PRR5L: variants seen among roughly 807,000 people sequenced by gnomAD.
PRR5L encodes proline-rich protein 5-like.
In PRR5L, 21 loss-of-function variants were observed where a neutral mutation model predicts 36.4. That is an observed-to-expected ratio of 0.58 (90% CI 0.41 to 0.83). The LOEUF (loss-of-function observed/expected upper bound fraction) is 0.83. Among genes scored for constraint, PRR5L ranks in the 40% least tolerant of loss-of-function variants. The probability of loss-of-function intolerance (pLI) is 0.00; values close to 1 mark genes in which losing one functional copy is unlikely to be tolerated. For synonymous variants in PRR5L, 188 were observed against 197.0 expected (o/e 0.95, Z 0.38); for missense variants, 381 against 473.3 (o/e 0.80, Z 1.81).
intron 1 of PRR5L, among the ~76,000 whole-genome samples, chr11:36,310,826 G>C (rs146194429): frequency 6.6e-6 from 1 of 151,686 alleles, no homozygotes; most frequent in African/African-American, 2.4e-5. Flanking sequence ...GTGAAACCCC[G>C]TCTCTACTAA....
At position 36,351,571 on chromosome 11, in the gene PRR5L, T is replaced by A. The variant is rs1177657594; in HGVS notation, c.-125-49426T>A. Among the ~76,000 whole-genome samples, 2 of 27,512 alleles carry A rather than the reference T, an allele frequency of 7.3e-5. 1 individual carries two copies. Among genetic ancestry groups the A allele is most frequent in the African/African-American group, 3.6e-4 (2 of 5,522 alleles). 18.0% of individuals were successfully genotyped at this position (27,512 alleles called of 152,430 possible). A position where few individuals can be genotyped will look rare whatever the true frequency, so the allele number is the denominator to read the frequency against. The stretch of plus-strand genomic sequence containing the variant: ...TATATATATTTATATATTTATATAT[T>A]TATATAAATATATATTTATATATTT... On this transcript the variant is annotated intron_variant, in intron 1 of 8. Transcript: ENST00000530639.
intron 1 of PRR5L, among the ~76,000 whole-genome samples, chr11:36,369,762 T>C (rs1857179708): frequency 6.6e-6 from 1 of 151,940 alleles, no homozygotes; most frequent in African/African-American, 2.4e-5. Context: ...GCCTGGCTAA[T>C]TGTTTTGTAT....
chr11:36,299,321 G>A (rs1292862768), intron 1 of PRR5L, among the ~76,000 whole-genome samples: 1 of 152,156 alleles, frequency 6.6e-6, no homozygotes, highest in Non-Finnish European at 1.5e-5. Flanking sequence ...CAACCTCCAG[G>A]GACACAGCAT....
chr11:36,388,698 C>CTTTTT (rs36056659), intron 1 of PRR5L, among the ~76,000 whole-genome samples: 1 of 109,144 alleles, frequency 9.2e-6, no homozygotes, highest in African/African-American at 4.0e-5. Context: ...CTCTTTCTTT[C>CTTTTT]TTTTTTTTTT....
chr11:36,391,199 C>G (rs1165822316), intron 1 of PRR5L, among the ~76,000 whole-genome samples: 1 of 152,176 alleles, frequency 6.6e-6, no homozygotes, highest in African/African-American at 2.4e-5. Context: ...TATAAGCCAC[C>G]CACTTCTTTA....
chr11:36,457,907 A>AT (rs895767482), intron 8 of PRR5L, among the ~76,000 whole-genome samples: 3 of 152,108 alleles, frequency 2.0e-5, no homozygotes, highest in African/African-American at 7.2e-5. Context: ...TCTCAAGGGC[A>AT]TTTTTTTTAA....
chr11:36,435,342 A>AT (rs1226190129), intron 5 of PRR5L, among the ~76,000 whole-genome samples: 1 of 152,172 alleles, frequency 6.6e-6, no homozygotes, highest in Non-Finnish European at 1.5e-5. Flanking sequence ...CCATCACAGC[A>AT]TTACAGGCCC....
chr11:36,371,523 C>T (rs528824857), intron 1 of PRR5L, among the ~76,000 whole-genome samples: 2 of 152,324 alleles, frequency 1.3e-5, no homozygotes, highest in African/African-American at 4.8e-5. Flanking sequence ...GGGAGATCTA[C>T]TTGTGCTCCT....
At position 36,462,708 on chromosome 11, in the gene PRR5L, C is replaced by G. The variant is rs377764430; in HGVS notation, c.1079C>G (p.Ser360Trp). The G allele has an allele frequency of 1.5e-5, 23 of 1,581,956 alleles. No homozygotes were observed. The highest frequency in any genetic ancestry group is 5.8e-5 in the South Asian group (5 of 86,012). The part of the protein sequence containing the change: ...EEGARGSQEG[S>W]ELNCASLS ...GGGGCCAGGGGCAGCCAGGAGGGCTCGGAGCTGAACTGTGCTTCCCTCAGC... is the reference window on the plus strand; with the variant it reads ...GGGGCCAGGGGCAGCCAGGAGGGCTGGGAGCTGAACTGTGCTTCCCTCAGC... Residue 360 changes from serine (S) to tryptophan (W), a missense_variant, in exon 9 of 9, where the codon TCG becomes TGG. Physicochemically the swap from Ser to Trp is radical, Grantham distance 177 (BLOSUM62 -3). Coordinates refer to ENST00000530639, the MANE Select transcript of PRR5L (RefSeq NM_001160167.2).
Position 36,344,200 on chromosome 11 carries a change from C to A in PRR5L, c.-126+47762C>A, listed in dbSNP as rs1565401450. 6.6e-6 allele frequency among the ~76,000 whole-genome samples: 1 copy of A among 150,734 alleles called. No individual in the cohort carries two copies. The highest frequency in any genetic ancestry group is 2.5e-5 in the African/African-American group (1 of 40,788). On this transcript the variant is annotated intron_variant, in intron 1 of 8. Transcript: ENST00000530639. The surrounding 1 kb of genome is among the most constrained non-coding windows in gnomAD (Gnocchi z 4.1). ...CCACTGCACACTCCAGCCTGGGCAA[C>A]AAGCGCAAAACTCTGTCTCAAAAAA... is the stretch of plus-strand genomic sequence containing the variant.
chr11:36,397,618 G>C (rs985310141), intron 1 of PRR5L, among the ~76,000 whole-genome samples: 1 of 151,500 alleles, frequency 6.6e-6, no homozygotes, highest in South Asian at 2.1e-4. Context: ...CACCATGCCC[G>C]GCTAATTTTT....
At chr11:36,432,779 G>T (rs1488142796) in intron 5 of PRR5L, among the ~76,000 whole-genome samples, 3 of 152,082 alleles carry the variant, frequency 2.0e-5, no homozygotes, top group Non-Finnish European at 4.4e-5. Flanking sequence ...TCCAGATCCA[G>T]ACTTATTAGG....
chr11:36,309,258 G>C (rs1404758969), intron 1 of PRR5L, among the ~76,000 whole-genome samples: 2 of 152,174 alleles, frequency 1.3e-5, no homozygotes, highest in Non-Finnish European at 2.9e-5. Context: ...ACCAAAACAA[G>C]CATCAACGCC....
At chr11:36,363,438 A>AG (rs1857113677) in intron 1 of PRR5L, among the ~76,000 whole-genome samples, 2 of 152,222 alleles carry the variant, frequency 1.3e-5, no homozygotes, top group Non-Finnish European at 1.5e-5. Context: ...CACTGTTAAT[A>AG]GCTCAATGCC....
chr11:36,352,080 G>T (rs868097484), intron 1 of PRR5L, among the ~76,000 whole-genome samples: 3 of 151,614 alleles, frequency 2.0e-5, no homozygotes, highest in East Asian at 3.9e-4. Flanking sequence ...CTGCATCCCC[G>T]CCAACATCTA....
intron 4 of PRR5L, among the ~76,000 whole-genome samples, chr11:36,420,885 C>T (rs1858251248): frequency 8.0e-6 from 1 of 125,088 alleles, no homozygotes; most frequent in Non-Finnish European, 1.7e-5. Flanking sequence ...ACACGGACAG[C>T]TCCTCTAAAT....
intron 1 of PRR5L, among the ~76,000 whole-genome samples, chr11:36,300,577 TATCA>T (rs74550623): frequency 0.31 from 47,364 of 151,864 alleles, 8,301 homozygotes; most frequent in Non-Finnish European, 0.39. Flanking sequence ...GAAGGGGCCA[TATCA>T]TCTCACCTTC....
chr11:36,311,723 T>C (rs944606001), intron 1 of PRR5L, among the ~76,000 whole-genome samples: 3 of 152,202 alleles, frequency 2.0e-5, no homozygotes, highest in Admixed American at 6.5e-5. Flanking sequence ...TTTGCTTTTT[T>C]ACTCTGAGAG....
chr11:36,453,275 C>T lies in PRR5L; in HGVS notation c.712+1940C>T, dbSNP rs573555344. Among the ~76,000 whole-genome samples the T allele has an allele frequency of 9.2e-5, 14 of 152,296 alleles. No individual in the cohort carries two copies. In the South Asian group the frequency reaches 2.9e-3, roughly 32 times the overall value. ...GCTTCCTGTATCTGCTTCTTAACTG[C>T]CTTCAGTTCATAAATCCTTATGCCC... On this transcript the variant is annotated intron_variant, in intron 8 of 8. Transcript: ENST00000530639.
Sources: allele counts gnomAD v4.1 joint callset (sites outside exome capture counted in the v4.1 genomes callset), GRCh38; gene constraint gnomAD v4.1.1; non-coding constraint Gnocchi (gnomAD v3.1); transcripts MANE v1.5; gene names NCBI Gene and HGNC (gene_info 2026-07-23, HGNC 2026-07-21).